PCDHGA6: variants seen among roughly 807,000 people sequenced by gnomAD.
PCDHGA6 encodes the protein protocadherin gamma-A6.
PCDHGA6 carries 41 observed loss-of-function variants against 60.6 expected under a neutral mutation model. The ratio of observed to expected loss-of-function variants is 0.68; its 90% CI spans 0.53 to 0.88. PCDHGA6 has a LOEUF of 0.88. Among genes scored for constraint, PCDHGA6 ranks in the 40% least tolerant of loss-of-function variants. PCDHGA6 has a pLI of 0.00. For missense variants in PCDHGA6, 1,312 were observed against 1,203.0 expected (o/e 1.09, Z -1.34); for synonymous variants, 594 against 524.4 (o/e 1.13, Z -1.81).
At chr5:141,386,430 G>A (rs1257944903) in intron 1 of PCDHGA6, among the ~76,000 whole-genome samples, 2 of 152,116 alleles carry the variant, frequency 1.3e-5, no homozygotes, top group African/African-American at 4.8e-5. Flanking sequence ...TAGCCCACCT[G>A]CATGGGAGGC....
At chr5:141,403,507 A>G (rs373170550) in intron 1 of PCDHGA6, 1 of 1,614,006 alleles carries the variant, frequency 6.2e-7, no homozygotes, top group Non-Finnish European at 8.5e-7. Context: ...TGCAGACTGG[A>G]GACAATGGAG....
intron 1 of PCDHGA6, chr5:141,393,331 GC>G (rs3214276): frequency 0.09 from 144,732 of 1,613,856 alleles, 7,527 homozygotes; most frequent in African/African-American, 0.18. Flanking sequence ...TACCAGCTCA[GC>G]CCCAATCACC....
intron 1 of PCDHGA6, among the ~76,000 whole-genome samples, chr5:141,472,122 G>A (rs898092092): frequency 6.6e-6 from 1 of 152,176 alleles, no homozygotes; most frequent in African/African-American, 2.4e-5. Flanking sequence ...GAAAATAAAA[G>A]AGAAGTTAAA....
intron 1 of PCDHGA6, chr5:141,417,840 A>G (rs2096168680): frequency 2.0e-6 from 3 of 1,536,422 alleles, no homozygotes; most frequent in African/African-American, 2.8e-5. Context: ...GCGGGGACCC[A>G]GCGAGAACCC....
At chr5:141,390,444 G>A in intron 1 of PCDHGA6, 1 of 870,148 alleles carries the variant, frequency 1.1e-6, no homozygotes, top group South Asian at 1.8e-5. Context: ...TTCTACAAAG[G>A]AGGAGTAAAG....
chr5:141,471,591 A>T (rs925105880), intron 1 of PCDHGA6: 1 of 152,294 alleles, frequency 6.6e-6, no homozygotes, highest in South Asian at 2.1e-4. Context: ...AGTAATTGAT[A>T]GTTTCAAAAT....
rs117623972 is a variant in PCDHGA6 at position 141,503,322 on chromosome 5, C to T, written c.2484-2071C>T. On this transcript the variant is annotated intron_variant, in intron 2 of 3. Transcript: ENST00000517434. Reference sequence around the variant, plus strand: ...GCTCAAGAAAGAATTGTTGGAGGGGCGCGGTGGCTCACGCCTGTAATTCCA... The same window carrying T: ...GCTCAAGAAAGAATTGTTGGAGGGGTGCGGTGGCTCACGCCTGTAATTCCA... Among the ~76,000 whole-genome samples, 216 of 152,126 alleles carry T rather than the reference C, an allele frequency of 1.4e-3. 8 individuals carry two copies. In the East Asian group the frequency reaches 0.038, roughly 27 times the overall value.
At chr5:141,440,113 G>A (rs1375262224) in intron 1 of PCDHGA6, 1 of 152,248 alleles carries the variant, frequency 6.6e-6, no homozygotes, top group Non-Finnish European at 1.5e-5. Context: ...ACTTACTTGT[G>A]AATGACTGAA....
intron 1 of PCDHGA6, chr5:141,439,852 G>A (rs182049678): frequency 1.3e-5 from 2 of 152,474 alleles, no homozygotes; most frequent in African/African-American, 4.8e-5. Context: ...CTGTGGAAAA[G>A]GTGGGGAATG....
At chr5:141,423,695 G>T in intron 1 of PCDHGA6, 1 of 1,338,020 alleles carries the variant, frequency 7.5e-7, no homozygotes, top group Non-Finnish European at 9.7e-7. Context: ...AATTGTTGGT[G>T]TCTTGGCACA....
chr5:141,473,848 A>T (rs1281010822), intron 1 of PCDHGA6, among the ~76,000 whole-genome samples: 1 of 152,198 alleles, frequency 6.6e-6, no homozygotes, highest in Non-Finnish European at 1.5e-5. Flanking sequence ...TTTTAGGAAG[A>T]TGAACCTCGC....
At chr5:141,448,263 A>G (rs2098578874) in intron 1 of PCDHGA6, among the ~76,000 whole-genome samples, 1 of 152,088 alleles carries the variant, frequency 6.6e-6, no homozygotes, top group Non-Finnish European at 1.5e-5. Flanking sequence ...ATTTTACAGT[A>G]TATATACTGT....
chr5:141,420,336 T>C, intron 1 of PCDHGA6: 1 of 1,399,186 alleles, frequency 7.1e-7, no homozygotes, highest in East Asian at 2.5e-5. Flanking sequence ...TATTCCAATA[T>C]AGTGGTATTA....
Position 141,431,033 on chromosome 5 carries a change from C to G in PCDHGA6, c.2424+54526C>G, listed in dbSNP as rs1006751011. ...CTTGGTCACGGCGGGCAGGATAGAC[C>G]GGGAGGAGCTCTGTATGGGGGCCAT... On this transcript the variant is annotated intron_variant, in intron 1 of 3. Coordinates refer to ENST00000517434, the MANE Select transcript of PCDHGA6 (RefSeq NM_018919.3). This position sits in a 1 kb window ranked among gnomAD's most constrained non-coding sequence, Gnocchi z 4.8. 1.2e-6 allele frequency: 2 copies of G among 1,613,980 alleles called. No individual in the cohort carries two copies. Among genetic ancestry groups the G allele is most frequent in the Admixed American group, 3.3e-5 (2 of 60,024 alleles).
At chr5:141,502,768 T>C (rs1389860952) in intron 2 of PCDHGA6, among the ~76,000 whole-genome samples, 1 of 152,154 alleles carries the variant, frequency 6.6e-6, no homozygotes, top group East Asian at 1.9e-4. Context: ...GCTGGTATTC[T>C]TCTGAAAATT....
rs200045647 is a variant in PCDHGA6, at chr5:141,490,150, G to A, written c.2425-4657G>A. 50 of 1,614,246 alleles carry A rather than the reference G, an allele frequency of 3.1e-5. No individual in the cohort carries two copies. The Admixed American group carries it at 7.7e-4, about 25-fold the overall frequency. On this transcript the variant is annotated intron_variant, in intron 1 of 3. Transcript: ENST00000517434. The surrounding 1 kb of genome is among the most constrained non-coding windows in gnomAD (Gnocchi z 5.4). ...AGACCCTAGCAGTGGGGCAATCCAT[G>A]TGTTGGGTCCCATAGACTTTGAGGA...
In PCDHGA6 at chr5:141,387,729, A is replaced by C. The variant is rs536775462; in HGVS notation, c.2424+11222A>C. ...GCCCCAGCTCAGACTCCCCAGCGCC[A>C]GCCTTTACACCGCTTCCTCCTCGGA... On this transcript the variant is annotated intron_variant, in intron 1 of 3. Coordinates refer to ENST00000517434, the MANE Select transcript of PCDHGA6 (RefSeq NM_018919.3). The C allele has an allele frequency of 4.9e-6, 6 of 1,227,140 alleles. No individual in the cohort carries two copies. The African/African-American group carries it at 7.6e-5, about 16-fold the overall frequency. The allele number at this position is 1,227,140 out of a possible 1,614,324, so 76.0% of individuals were successfully genotyped here.
At chr5:141,412,792 C>T (rs1387029327) in intron 1 of PCDHGA6, among the ~76,000 whole-genome samples, 1 of 152,194 alleles carries the variant, frequency 6.6e-6, no homozygotes. Flanking sequence ...TCCACTTTAT[C>T]ACACCTCCCC....
intron 1 of PCDHGA6, chr5:141,433,338 T>G (rs2097583623): frequency 3.1e-6 from 2 of 651,932 alleles, no homozygotes; most frequent in South Asian, 4.0e-5. Context: ...GGACTACAGG[T>G]GCAAGCCACC....
Sources: allele counts gnomAD v4.1 joint callset (sites outside exome capture counted in the v4.1 genomes callset), GRCh38; gene constraint gnomAD v4.1.1; non-coding constraint Gnocchi (gnomAD v3.1); transcripts MANE v1.5; gene names NCBI Gene and HGNC (gene_info 2026-07-23, HGNC 2026-07-21).